HS6ST3: variants seen among roughly 807,000 people sequenced by gnomAD.
HS6ST3 encodes heparan sulfate 6-O-sulfotransferase 3, also known as heparan-sulfate 6-O-sulfotransferase 3.
HS6ST3 carries 12 observed loss-of-function variants against 36.7 expected under a neutral mutation model. The ratio of observed to expected loss-of-function variants is 0.33; its 90% confidence interval spans 0.21 to 0.53. The LOEUF is 0.53. Among genes scored for constraint, HS6ST3 ranks in the 20% least tolerant of loss-of-function variants. The probability of loss-of-function intolerance (pLI) is 0.95; values close to 1 mark genes in which losing one functional copy is unlikely to be tolerated. For missense variants in HS6ST3, 584 were observed against 640.9 expected, an observed-to-expected ratio of 0.91 and a Z score of 0.96; for synonymous variants, 240 against 257.5, an observed-to-expected ratio of 0.93 and a Z score of 0.65.
At chr13:96,472,007 C>A (rs2138891153) in intron 1 of HS6ST3, among the ~76,000 whole-genome samples, 1 of 152,240 alleles carries the variant, frequency 6.6e-6, no homozygotes, top group Non-Finnish European at 1.5e-5. Flanking sequence ...TCTTCTTGGG[C>A]AGCAGCCTTC....
chr13:96,508,697 A>G (rs1347627575), intron 1 of HS6ST3, among the ~76,000 whole-genome samples: 2 of 152,106 alleles, frequency 1.3e-5, no homozygotes, highest in African/African-American at 4.8e-5. Context: ...GTTGCTACAA[A>G]AGACATTATT....
Position 96,193,740 on chromosome 13 carries a change from A to G in HS6ST3, c.707+102171A>G, listed in dbSNP as rs190493963. Reference sequence around the variant, plus strand: ...CTTAAGAGTTGGCAGTTGCTTTGATAATATTTGAATGTACATTGCATAAAC... The same window carrying G: ...CTTAAGAGTTGGCAGTTGCTTTGATGATATTTGAATGTACATTGCATAAAC... On this transcript the variant is annotated intron_variant, in intron 1 of 1. Transcript: ENST00000376705. Among the ~76,000 whole-genome samples, 15 of 152,344 alleles carry G rather than the reference A, an allele frequency of 9.8e-5. No individual in the cohort carries two copies. The East Asian group carries it at 2.9e-3, about 29-fold the overall frequency.
intron 1 of HS6ST3, among the ~76,000 whole-genome samples, chr13:96,712,510 G>A (rs537144125): frequency 2.0e-5 from 3 of 152,176 alleles, no homozygotes; most frequent in African/African-American, 7.2e-5. Context: ...TCCAGGGTGG[G>A]GGTTCAAAGG....
At chr13:96,477,566 A>G (rs1420543781) in intron 1 of HS6ST3, among the ~76,000 whole-genome samples, 1 of 152,068 alleles carries the variant, frequency 6.6e-6, no homozygotes, top group Non-Finnish European at 1.5e-5. Context: ...ATATATACCC[A>G]AAACAAAATA....
In HS6ST3 at chr13:96,552,527, T is replaced by C. The variant is rs184629033; in HGVS notation, c.708-279963T>C. Among the ~76,000 whole-genome samples the C allele has an allele frequency of 3.5e-3, 539 of 152,278 alleles. 4 individuals carry two copies. Among genetic ancestry groups the C allele is most frequent in the African/African-American group, 7.6e-3 (315 of 41,544 alleles). On this transcript the variant is annotated intron_variant, in intron 1 of 1. Coordinates refer to ENST00000376705, the MANE Select transcript of HS6ST3 (RefSeq NM_153456.4). ...GGGTCCTAATTGAGAGTTTCCCTCC[T>C]GGGGGCTATGGGCACTGTGGATGTC...
intron 1 of HS6ST3, among the ~76,000 whole-genome samples, chr13:96,282,555 T>C (rs998833107): frequency 6.6e-6 from 1 of 152,198 alleles, no homozygotes; most frequent in African/African-American, 2.4e-5. Context: ...TGCCATGGGA[T>C]GCCAGGAATT....
At chr13:96,199,357 T>C (rs2054330158) in intron 1 of HS6ST3, among the ~76,000 whole-genome samples, 1 of 152,260 alleles carries the variant, frequency 6.6e-6, no homozygotes, top group Admixed American at 6.5e-5. Flanking sequence ...GGTGAGATTT[T>C]GTATATATGA....
chr13:96,116,832 G>T (rs780097695), intron 1 of HS6ST3, among the ~76,000 whole-genome samples: 6 of 152,196 alleles, frequency 3.9e-5, no homozygotes, highest in Non-Finnish European at 5.9e-5. Context: ...CCTGACTTGT[G>T]TTCTTGCCAT....
At chr13:96,315,962 C>T (rs1163092107) in intron 1 of HS6ST3, among the ~76,000 whole-genome samples, 1 of 152,132 alleles carries the variant, frequency 6.6e-6, no homozygotes, top group Admixed American at 6.5e-5. Context: ...TACCTCAGCA[C>T]TTGGCTTCTC....
At chr13:96,372,999 G>T (rs1048081053) in intron 1 of HS6ST3, among the ~76,000 whole-genome samples, 1 of 152,074 alleles carries the variant, frequency 6.6e-6, no homozygotes, top group Non-Finnish European at 1.5e-5. Context: ...CCTTCTGAAG[G>T]CTCCAGGGGC....
intron 1 of HS6ST3, among the ~76,000 whole-genome samples, chr13:96,250,885 C>T (rs1374993827): frequency 6.6e-6 from 1 of 152,148 alleles, no homozygotes; most frequent in African/African-American, 2.4e-5. Flanking sequence ...TGGTGGATCA[C>T]ATTTATTTAT....
intron 1 of HS6ST3, among the ~76,000 whole-genome samples, chr13:96,285,431 C>T (rs1166939840): frequency 6.6e-6 from 1 of 152,170 alleles, no homozygotes; most frequent in East Asian, 1.9e-4. Context: ...TAAGAACAGC[C>T]ATTTAGCCAT....
chr13:96,564,196 G>A (rs2056272755), intron 1 of HS6ST3, among the ~76,000 whole-genome samples: 5 of 152,184 alleles, frequency 3.3e-5, no homozygotes, highest in Admixed American at 3.3e-4. Flanking sequence ...TCTGGCTGAT[G>A]CGTTTTGTAG....
intron 1 of HS6ST3, among the ~76,000 whole-genome samples, chr13:96,745,710 A>G (rs376450490): frequency 6.6e-6 from 1 of 152,102 alleles, no homozygotes; most frequent in Non-Finnish European, 1.5e-5. Flanking sequence ...ATTTCAGTGC[A>G]TTAGATTAGT....
chr13:96,824,490 G>A (rs1033984650), intron 1 of HS6ST3, among the ~76,000 whole-genome samples: 5 of 152,108 alleles, frequency 3.3e-5, no homozygotes, highest in Non-Finnish European at 2.9e-5. Context: ...AGGCCTTTTC[G>A]TAGCTGTGTC....
intron 1 of HS6ST3, among the ~76,000 whole-genome samples, chr13:96,562,142 G>T (rs1055755374): frequency 6.6e-6 from 1 of 152,176 alleles, no homozygotes; most frequent in African/African-American, 2.4e-5. Context: ...ACCCCTCAAT[G>T]GTGGATAGAT....
At chr13:96,546,613 G>T (rs2056198680) in intron 1 of HS6ST3, among the ~76,000 whole-genome samples, 1 of 152,068 alleles carries the variant, frequency 6.6e-6, no homozygotes, top group Non-Finnish European at 1.5e-5. Flanking sequence ...ATTCACTCCT[G>T]TTTTTATGGG....
intron 1 of HS6ST3, among the ~76,000 whole-genome samples, chr13:96,531,999 C>T (rs2056137438): frequency 6.6e-6 from 1 of 152,170 alleles, no homozygotes; most frequent in Non-Finnish European, 1.5e-5. Flanking sequence ...TACCTACCTC[C>T]CAAAGCCGAT....
intron 1 of HS6ST3, among the ~76,000 whole-genome samples, chr13:96,690,079 T>C (rs945199450): frequency 5.3e-5 from 8 of 152,078 alleles, no homozygotes; most frequent in Non-Finnish European, 8.8e-5. Context: ...GTCATAGGTT[T>C]GAGATGTTGG....
Sources: allele counts gnomAD v4.1 joint callset (sites outside exome capture counted in the v4.1 genomes callset), GRCh38; gene constraint gnomAD v4.1.1; transcripts MANE v1.5; gene names NCBI Gene and HGNC (gene_info 2026-07-23, HGNC 2026-07-21).